The following FRAS1 variants were observed in gnomAD, a reference collection of about 807,000 sequenced individuals.
The protein encoded by FRAS1 is extracellular matrix organizing protein FRAS1.
Under a neutral mutation model 435.2 loss-of-function variants are expected in FRAS1, and 290 were observed. The observed-to-expected ratio is 0.67, with a 90% CI of 0.61 to 0.73. The LOEUF (loss-of-function observed/expected upper bound fraction) is 0.73. FRAS1 is among the 30% of genes least tolerant of loss of function. FRAS1 has a pLI of 0.00. For synonymous variants in FRAS1, 1,800 were observed against 1,851.0 expected (o/e 0.97, Z 0.71); for missense variants, 4,860 against 5,001.5 (o/e 0.97, Z 0.85).
chr4:78,112,875 G>A (rs549014638), intron 2 of FRAS1, among the ~76,000 whole-genome samples: 11 of 151,526 alleles, frequency 7.3e-5, no homozygotes, highest in South Asian at 4.2e-4. Context: ...TGTGCACAAC[G>A]TGCAGGTTTG....
intron 26 of FRAS1, among the ~76,000 whole-genome samples, chr4:78,378,000 A>G (rs1438375781): frequency 1.3e-5 from 2 of 152,128 alleles, no homozygotes; most frequent in African/African-American, 2.4e-5. Context: ...AAGTTGTGCA[A>G]CTATCACCAC....
intron 61 of FRAS1, among the ~76,000 whole-genome samples, chr4:78,504,428 G>A (rs1429802507): frequency 6.6e-6 from 1 of 152,170 alleles, no homozygotes; most frequent in Non-Finnish European, 1.5e-5. Context: ...ATACATTTAG[G>A]ATAATTAACT....
In FRAS1 at chr4:78,115,580, T is replaced by G. The variant is rs535154477; in HGVS notation, c.108+49564T>G. On this transcript the variant is annotated intron_variant, in intron 2 of 73. Transcript: ENST00000512123. The stretch of plus-strand genomic sequence containing the variant: ...TGGGAGGGTGTATGTGTCCAGGAAT[T>G]TATCCATTTCTTCTAGATTTTCTAG... Among the ~76,000 whole-genome samples, 64 of 152,318 alleles carry G rather than the reference T, an allele frequency of 4.2e-4. 2 individuals are homozygous for G. The highest frequency in any genetic ancestry group is 1.4e-3 in the African/African-American group (58 of 41,578).
At chr4:78,253,958 A>G (rs977079720) in intron 5 of FRAS1, among the ~76,000 whole-genome samples, 1 of 152,080 alleles carries the variant, frequency 6.6e-6, no homozygotes, top group Non-Finnish European at 1.5e-5. Flanking sequence ...TCCAAGACAC[A>G]CACAACAGGA....
At chr4:78,464,712 A>T (rs959019578) in intron 49 of FRAS1, 129 bp downstream of exon 49, 2 of 951,294 alleles carry the variant, frequency 2.1e-6, no homozygotes, top group Non-Finnish European at 3.0e-6. Context: ...TCCTTGAAGG[A>T]TTAAAATACA....
intron 58 of FRAS1, 64 bp downstream of exon 58, chr4:78,482,599 CA>C: frequency 1.3e-6 from 2 of 1,496,976 alleles, no homozygotes; most frequent in South Asian, 1.2e-5. Context: ...TTAACGTCCA[CA>C]TATGTGACAT....
chr4:78,245,687 C>T (rs554472470), intron 4 of FRAS1, among the ~76,000 whole-genome samples: 6 of 152,056 alleles, frequency 3.9e-5, no homozygotes, highest in Non-Finnish European at 5.9e-5. Flanking sequence ...ATGTTAAATA[C>T]GAAAAAATTT....
In FRAS1 at chr4:78,412,993, A is replaced by G. The variant is rs756422688; in HGVS notation, c.4333A>G (p.Thr1445Ala). ...FEVSSASNAQ[T>A]RLESHMFNIA... The stretch of plus-strand genomic sequence containing the variant: ...GGTGTCCAGTGCCTCCAATGCCCAG[A>G]CCCGCCTGGAGAGCCACATGTTCAA... The change falls in exon 32 of 74, where the codon ACC becomes GCC. Residue 1445 changes from threonine to alanine, a missense_variant. By Grantham distance (58) the Thr-to-Ala change is moderately conservative. Coordinates refer to ENST00000512123, the MANE Select transcript of FRAS1 (RefSeq NM_025074.7). The G allele has an allele frequency of 1.2e-5, 19 of 1,607,298 alleles. No individual in the cohort carries two copies. Among genetic ancestry groups the G allele is most frequent in the Middle Eastern group, 3.3e-4 (2 of 6,042 alleles).
At chr4:78,261,018 G>A (rs1354156659) in intron 6 of FRAS1, among the ~76,000 whole-genome samples, 2 of 152,074 alleles carry the variant, frequency 1.3e-5, no homozygotes, top group Non-Finnish European at 2.9e-5. Context: ...CACTTCTCCA[G>A]AAATATCTAT....
chr4:78,182,431 A>C (rs1025573415), intron 2 of FRAS1, among the ~76,000 whole-genome samples: 3 of 152,200 alleles, frequency 2.0e-5, no homozygotes, highest in African/African-American at 7.2e-5. Context: ...GCAAAGAAGA[A>C]GGGTGGGCTC....
intron 63 of FRAS1, 23 bp downstream of exon 63, chr4:78,509,029 G>A (rs950380804): frequency 1.2e-6 from 2 of 1,612,806 alleles, no homozygotes; most frequent in African/African-American, 2.7e-5. Flanking sequence ...GTCTGGGCCT[G>A]GTTCTCCCTC....
Position 78,317,401 on chromosome 4 carries a change from C to T in FRAS1, c.1853C>T (p.Pro618Leu). 6.2e-7 allele frequency: 1 copy of T among 1,613,872 alleles called. No homozygotes were observed. Among genetic ancestry groups the T allele is most frequent in the African/African-American group, 1.3e-5 (1 of 75,038 alleles). Residue 618 changes from proline (P) to leucine (L), a missense_variant, in exon 17 of 74, where the codon CCC (proline) becomes CTC (leucine). By Grantham distance (98) the Pro-to-Leu change is moderately conservative. Coordinates refer to ENST00000512123, the MANE Select transcript of FRAS1 (RefSeq NM_025074.7). The stretch of plus-strand genomic sequence containing the variant: ...AACTCATGTGCCAGCTGCTCTGGGC[C>T]CACACCCTCTCACTGTACAGCCTGC... ...CHNSCASCSG[P>L]TPSHCTACSP...
intron 2 of FRAS1, among the ~76,000 whole-genome samples, chr4:78,085,011 T>A (rs1335271887): frequency 3.3e-5 from 5 of 152,152 alleles, no homozygotes; most frequent in African/African-American, 7.2e-5. Context: ...ACTGTGCTAT[T>A]ACATGACTGT....
intron 2 of FRAS1, among the ~76,000 whole-genome samples, chr4:78,150,183 C>T (rs544759111): frequency 6.6e-6 from 1 of 152,318 alleles, no homozygotes; most frequent in East Asian, 1.9e-4. Context: ...AAGCCCATCT[C>T]AGGAAGAGCC....
intron 2 of FRAS1, among the ~76,000 whole-genome samples, chr4:78,078,111 A>C (rs1373636946): frequency 6.6e-6 from 1 of 152,138 alleles, no homozygotes; most frequent in Non-Finnish European, 1.5e-5. Flanking sequence ...TGTATAATAG[A>C]TATCTTTCTA....
rs749924871 is a variant in FRAS1, at chr4:78,252,546, T to G, written c.464T>G (p.Leu155Arg). ...EGSCCPVCVG[L>R]GKPCSYEGHV... ...AGCTGCTGCCCAGTTTGTGTGGGCC[T>G]TGGGAGTGAGTATGAGCTTGTAGAA... Residue 155 changes from leucine (L) to arginine (R), a missense_variant, in exon 5 of 74, where the codon CTT becomes CGT. Transcript: ENST00000512123. 4 of 1,612,972 alleles carry G rather than the reference T, an allele frequency of 2.5e-6. No homozygotes were observed. The highest frequency in any genetic ancestry group is 3.4e-6 in the Non-Finnish European group (4 of 1,179,418).
At chr4:78,262,887 C>T (rs1291200014) in intron 6 of FRAS1, among the ~76,000 whole-genome samples, 3 of 119,594 alleles carry the variant, frequency 2.5e-5, no homozygotes, top group African/African-American at 8.9e-5. Flanking sequence ...CATTTTTAGC[C>T]TTGTGTGCCA....
intron 43 of FRAS1, 137 bp from the exon 44 acceptor site, chr4:78,447,916 C>G: frequency 1.5e-6 from 1 of 681,388 alleles, no homozygotes; most frequent in Non-Finnish European, 2.4e-6. Context: ...AAATGCTAAG[C>G]TGTTGGCACC....
intron 17 of FRAS1, among the ~76,000 whole-genome samples, 194 bp from the exon 18 acceptor site, chr4:78,318,616 A>G (rs554109060): frequency 6.6e-6 from 1 of 152,252 alleles, no homozygotes; most frequent in East Asian, 1.9e-4. Context: ...GGGAGATGTG[A>G]CTGGTTAACA....
Sources: allele counts gnomAD v4.1 joint callset (sites outside exome capture counted in the v4.1 genomes callset), GRCh38; gene constraint gnomAD v4.1.1; transcripts MANE v1.5; gene names NCBI Gene and HGNC (gene_info 2026-07-23, HGNC 2026-07-21).